Variants in ADAMTS18 observed in about 807,000 individuals in gnomAD.
ADAMTS18 encodes the protein A disintegrin and metalloproteinase with thrombospondin motifs 18.
Under a neutral mutation model 165.9 loss-of-function variants are expected in ADAMTS18, and 157 were observed. The ratio of observed to expected loss-of-function variants is 0.95; its 90% CI spans 0.83 to 1.08. The LOEUF is 1.08. ADAMTS18 is among the 50% of genes least tolerant of loss of function. The pLI is 0.00. For synonymous variants in ADAMTS18, 782 were observed against 578.2 expected (o/e 1.35, Z -5.06); for missense variants, 2,040 against 1,534.0 (o/e 1.33, Z -5.51).
Position 77,367,641 on chromosome 16 carries a change from G to T in ADAMTS18, c.578C>A (p.Ser193Tyr), listed in dbSNP as rs555580484. 3.7e-6 allele frequency: 6 copies of T among 1,614,072 alleles called. No individual in the cohort carries two copies. The highest frequency in any genetic ancestry group is 5.1e-6 in the Non-Finnish European group (6 of 1,180,038). ...QLLAQEHNYS[S>Y]PAGHHPHVLY... ...TACGTGAGGATGGTGACCCGCAGGGGAGCTGTAGTTGTGTTCCTGGGCCAG... is the reference window on the plus strand; with the variant it reads ...TACGTGAGGATGGTGACCCGCAGGGTAGCTGTAGTTGTGTTCCTGGGCCAG... The change falls in exon 4 of 23, where the codon TCC becomes TAC. Residue 193 changes from serine to tyrosine, a missense_variant. Transcript: ENST00000282849.
At chr16:77,385,886 A>T (rs550275845) in intron 3 of ADAMTS18, among the ~76,000 whole-genome samples, 48 of 152,318 alleles carry the variant, frequency 3.2e-4, no homozygotes, top group African/African-American at 1.1e-3. Context: ...AAATAATCAT[A>T]GGATTAAGAG....
At chr16:77,343,006 G>C (rs905533340) in intron 10 of ADAMTS18, among the ~76,000 whole-genome samples, 4 of 152,066 alleles carry the variant, frequency 2.6e-5, no homozygotes, top group Non-Finnish European at 5.9e-5. Context: ...GCTGAAAAAG[G>C]CATGAAAATG....
rs1188118865 is a variant in ADAMTS18 at position 77,401,828 on chromosome 16, G to C, written c.495+29467C>G. Among the ~76,000 whole-genome samples, 3 of 152,242 alleles carry C rather than the reference G, an allele frequency of 2.0e-5. No homozygotes were observed. In the East Asian group the frequency reaches 5.8e-4, roughly 29 times the overall value. On this transcript the variant is annotated intron_variant, in intron 3 of 22. Transcript: ENST00000282849. Reference sequence around the variant, plus strand: ...TCTCTCTCTCGCTCTCTTTTCTTGAGCAAGGATATCCATCTTCTTCTGCCC... The same window carrying C: ...TCTCTCTCTCGCTCTCTTTTCTTGACCAAGGATATCCATCTTCTTCTGCCC...
At chr16:77,339,109 C>A (rs552570317) in intron 11 of ADAMTS18, among the ~76,000 whole-genome samples, 1 of 152,264 alleles carries the variant, frequency 6.6e-6, no homozygotes, top group East Asian at 1.9e-4. Flanking sequence ...CATTGAGTAC[C>A]TGCTACTGTG....
At chr16:77,321,246 A>C (rs1464145004) in intron 14 of ADAMTS18, 44 bp from the exon 15 acceptor site, 1 of 1,612,974 alleles carries the variant, frequency 6.2e-7, no homozygotes, top group Non-Finnish European at 8.5e-7. Context: ...AGATCAGAGA[A>C]GCCAGAGGCT....
At chr16:77,319,567 C>T (rs1270289675) in intron 16 of ADAMTS18, among the ~76,000 whole-genome samples, 1 of 152,142 alleles carries the variant, frequency 6.6e-6, no homozygotes, top group African/African-American at 2.4e-5. Flanking sequence ...TCAGCCCCCA[C>T]TAATAGCTGG....
rs146891778 is a variant in ADAMTS18, at chr16:77,398,025, G to A, written c.496-30302C>T. 4.4e-3 allele frequency among the ~76,000 whole-genome samples: 673 copies of A among 152,140 alleles called. 12 individuals are homozygous for A. Among genetic ancestry groups the A allele is most frequent in the Non-Finnish European group, 1.6e-3 (111 of 67,952 alleles). ...AGAAATCAGGAAGAAGTAATCTAAAGAAGAGGAAGGGCCGGGCATGGTGGC... is the reference window on the plus strand; with the variant it reads ...AGAAATCAGGAAGAAGTAATCTAAAAAAGAGGAAGGGCCGGGCATGGTGGC... On this transcript the variant is annotated intron_variant, in intron 3 of 22. Coordinates refer to ENST00000282849, the MANE Select transcript of ADAMTS18 (RefSeq NM_199355.4).
At chr16:77,347,417 C>T (rs373263958) in intron 10 of ADAMTS18, among the ~76,000 whole-genome samples, 16 of 152,264 alleles carry the variant, frequency 1.1e-4, no homozygotes, top group African/African-American at 3.6e-4. Context: ...ACTTGACACA[C>T]TCATCAGCAA....
rs114356134 is a variant in ADAMTS18, at chr16:77,331,064, G to C, written c.1859+4692C>G. Among the ~76,000 whole-genome samples, 159 of 152,178 alleles carry C rather than the reference G, an allele frequency of 1.0e-3. 1 individual carries two copies. The highest frequency in any genetic ancestry group is 3.7e-3 in the African/African-American group (153 of 41,514). On this transcript the variant is annotated intron_variant, in intron 12 of 22. Coordinates refer to ENST00000282849, the MANE Select transcript of ADAMTS18 (RefSeq NM_199355.4). ...GCAGAGTTAAAGTAAACAGTATCCTGATTTATTTTTCATCTTGTTTTAAAT... is the reference window on the plus strand; with the variant it reads ...GCAGAGTTAAAGTAAACAGTATCCTCATTTATTTTTCATCTTGTTTTAAAT...
intron 3 of ADAMTS18, among the ~76,000 whole-genome samples, chr16:77,387,088 G>C (rs777651191): frequency 1.3e-5 from 2 of 152,196 alleles, no homozygotes; most frequent in Non-Finnish European, 2.9e-5. Flanking sequence ...GAGGGACATA[G>C]ATAAGATGTG....
chr16:77,378,942 G>A (rs1008903723), intron 3 of ADAMTS18: 1 of 152,128 alleles, frequency 6.6e-6, no homozygotes, highest in Non-Finnish European at 1.5e-5. Context: ...TCAGTTTATT[G>A]AGAAAAACAA....
At chr16:77,304,871 T>C (rs2055653680) in intron 16 of ADAMTS18, among the ~76,000 whole-genome samples, 1 of 152,228 alleles carries the variant, frequency 6.6e-6, no homozygotes, top group Non-Finnish European at 1.5e-5. Flanking sequence ...TATAGTTTAT[T>C]TCCTTAACAT....
intron 5 of ADAMTS18, 64 bp downstream of exon 5, chr16:77,364,124 C>A (rs2056756519): frequency 3.8e-6 from 6 of 1,597,720 alleles, no homozygotes; most frequent in Admixed American, 3.3e-5. Context: ...TCAACCCATG[C>A]AAGAGAATTC....
chr16:77,427,660 A>G (rs911889077), intron 3 of ADAMTS18, among the ~76,000 whole-genome samples: 2 of 152,176 alleles, frequency 1.3e-5, no homozygotes, highest in African/African-American at 2.4e-5. Context: ...TTTTAAAACA[A>G]TCATCTCTAA....
At chr16:77,339,044 G>T (rs1415668312) in intron 11 of ADAMTS18, among the ~76,000 whole-genome samples, 1 of 152,056 alleles carries the variant, frequency 6.6e-6, no homozygotes, top group African/African-American at 2.4e-5. Context: ...ACAAGGGACT[G>T]GAGAAGAAAG....
In ADAMTS18 at chr16:77,364,181, C is replaced by T. The variant is rs917230582; in HGVS notation, c.972+7G>A. The T allele has an allele frequency of 3.4e-5, 55 of 1,613,968 alleles. No homozygotes were observed. The highest frequency in any genetic ancestry group is 1.7e-4 in the Admixed American group (10 of 59,992). Reference sequence around the variant, plus strand: ...AGAGCCAGAAGGTTTGTGACACCCCCGCTTACCATGTTCATTACTGTGAGA... The same window carrying T: ...AGAGCCAGAAGGTTTGTGACACCCCTGCTTACCATGTTCATTACTGTGAGA... On this transcript the variant is annotated splice_region_variant and intron_variant, in intron 5 of 22. Transcript: ENST00000282849.
At chr16:77,286,739 CCTTAA>C (rs2055259342) in intron 22 of ADAMTS18, among the ~76,000 whole-genome samples, 1 of 152,086 alleles carries the variant, frequency 6.6e-6, no homozygotes, top group East Asian at 1.9e-4. Context: ...GCCTGCTCAT[CCTTAA>C]CTTAATATGA....
rs1235375687 is a variant in ADAMTS18 at position 77,367,557 on chromosome 16, C to A, written c.662G>T (p.Gly221Val). ...TGGGGAGTAACCAGGATAATTCCGG[C>A]CAGAGCCGGGGTAGCCACGGTACCG... ...IQRYRGYPGS[G>V]RNYPGYSPSH... Residue 221 changes from glycine (G) to valine (V), a missense_variant, in exon 4 of 23, where the codon GGC becomes GTC. Transcript: ENST00000282849. 5.0e-6 allele frequency: 8 copies of A among 1,614,114 alleles called. No homozygotes were observed. Among genetic ancestry groups the A allele is most frequent in the Non-Finnish European group, 5.9e-6 (7 of 1,180,048 alleles).
At chr16:77,291,669 A>G (rs1370804162) in intron 20 of ADAMTS18, among the ~76,000 whole-genome samples, 191 bp from the exon 21 acceptor site, 1 of 152,268 alleles carries the variant, frequency 6.6e-6, no homozygotes, top group Non-Finnish European at 1.5e-5. Flanking sequence ...TAAGGAAACC[A>G]AAGTTCAGAG....
Sources: gnomAD v4.1 joint callset for allele counts (sites outside exome capture counted in the v4.1 genomes callset) on GRCh38, gnomAD v4.1.1 for gene constraint, MANE v1.5 for transcripts, NCBI Gene and HGNC (gene_info 2026-07-23, HGNC 2026-07-21) for gene names.